B3GALT1: variants seen among roughly 807,000 people sequenced by gnomAD.
B3GALT1 encodes the protein beta-1,3-galactosyltransferase 1, also known as UDP-Gal:betaGlcNAc beta 1,3-galactosyltransferase, polypeptide 1.
In B3GALT1, 10 loss-of-function variants were observed where a neutral mutation model predicts 23.2. That is an observed-to-expected ratio of 0.43 (90% CI 0.27 to 0.73). The LOEUF (loss-of-function observed/expected upper bound fraction) is 0.73. Ranked by LOEUF, B3GALT1 falls within the 30% of genes least tolerant of loss-of-function variation. The pLI, the probability that B3GALT1 is intolerant of heterozygous loss-of-function variation, is 0.21. For synonymous variants in B3GALT1, 156 were observed against 141.5 expected (o/e 1.10, Z -0.73); for missense variants, 299 against 405.4 (o/e 0.74, Z 2.25).
At chr2:167,563,287 CTTCCCAGTA>C (rs1489038362) in intron 2 of B3GALT1, among the ~76,000 whole-genome samples, 14 of 145,208 alleles carry the variant, frequency 9.6e-5, no homozygotes, top group African/African-American at 2.2e-4. Context: ...GGGCTCCTCA[CTTCCCAGTA>C]GGGGCGGCCG....
At chr2:167,539,498 G>A (rs769911027) in intron 2 of B3GALT1, among the ~76,000 whole-genome samples, 3 of 152,136 alleles carry the variant, frequency 2.0e-5, no homozygotes, top group Non-Finnish European at 2.9e-5. Context: ...TTTCAACAGA[G>A]TGATATCTAT....
At chr2:167,573,816 G>A (rs567570456) in intron 2 of B3GALT1, among the ~76,000 whole-genome samples, 1 of 151,624 alleles carries the variant, frequency 6.6e-6, no homozygotes, top group African/African-American at 2.4e-5. Flanking sequence ...CTTATGGGGG[G>A]CAGTCAGAGG....
In B3GALT1 at chr2:167,840,193, C is replaced by G. The variant is rs1036689333; in HGVS notation, c.-230+21400C>G. Reference sequence around the variant, plus strand: ...AATTGACAAATGGGATCTAATTAAACTAAAGAGCTTCTGCACAGCAAAAGA... The same window carrying G: ...AATTGACAAATGGGATCTAATTAAAGTAAAGAGCTTCTGCACAGCAAAAGA... On this transcript the variant is annotated intron_variant, in intron 4 of 4. Transcript: ENST00000392690. Among the ~76,000 whole-genome samples the G allele has an allele frequency of 8.1e-4, 122 of 151,446 alleles. 3 individuals carry two copies. Among genetic ancestry groups the G allele is most frequent in the Non-Finnish European group, 1.3e-4 (9 of 67,472 alleles).
At chr2:167,425,856 T>C (rs1258136667) in intron 1 of B3GALT1, among the ~76,000 whole-genome samples, 1 of 152,218 alleles carries the variant, frequency 6.6e-6, no homozygotes, top group Non-Finnish European at 1.5e-5. Context: ...CCAGTGTCCA[T>C]TGAATTTAAA....
At chr2:167,589,466 T>G (rs1684637962) in intron 2 of B3GALT1, among the ~76,000 whole-genome samples, 2 of 152,298 alleles carry the variant, frequency 1.3e-5, no homozygotes, top group South Asian at 4.1e-4. Flanking sequence ...TGAACCTGGC[T>G]AAAATGTACA....
chr2:167,365,510 G>A (rs1697571539), intron 1 of B3GALT1, among the ~76,000 whole-genome samples: 1 of 151,438 alleles, frequency 6.6e-6, no homozygotes, highest in South Asian at 2.1e-4. Context: ...CCCCTAGTTT[G>A]CAAGATGCCA....
intron 2 of B3GALT1, among the ~76,000 whole-genome samples, chr2:167,638,152 G>T (rs1451380488): frequency 6.6e-6 from 1 of 151,978 alleles, no homozygotes; most frequent in African/African-American, 2.4e-5. Flanking sequence ...CATGAATAGA[G>T]CAACCCAATG....
At chr2:167,856,744 A>G (rs1280842479) in intron 4 of B3GALT1, among the ~76,000 whole-genome samples, 2 of 152,190 alleles carry the variant, frequency 1.3e-5, no homozygotes, top group African/African-American at 4.8e-5. Flanking sequence ...GAAATGGGAA[A>G]AAGCAGGAGA....
intron 2 of B3GALT1, among the ~76,000 whole-genome samples, chr2:167,564,291 C>T (rs1452985226): frequency 4.6e-5 from 7 of 151,708 alleles, no homozygotes; most frequent in South Asian, 2.1e-4. Flanking sequence ...CGCTCCCCCC[C>T]TCCCAGATGT....
At chr2:167,699,867 C>T (rs931151739) in intron 3 of B3GALT1, among the ~76,000 whole-genome samples, 3 of 152,090 alleles carry the variant, frequency 2.0e-5, no homozygotes, top group African/African-American at 7.2e-5. Flanking sequence ...CACCCGCCAC[C>T]ATACCTGGCT....
chr2:167,619,164 T>G (rs1381241303), intron 2 of B3GALT1, among the ~76,000 whole-genome samples: 2 of 151,978 alleles, frequency 1.3e-5, no homozygotes, highest in African/African-American at 4.8e-5. Flanking sequence ...TTTATCTGTA[T>G]GCACTCCTAG....
intron 3 of B3GALT1, among the ~76,000 whole-genome samples, chr2:167,761,219 T>C (rs1335410080): frequency 6.6e-6 from 1 of 152,202 alleles, no homozygotes; most frequent in African/African-American, 2.4e-5. Flanking sequence ...GTAGCAGGTC[T>C]TTTTTCTGCA....
At chr2:167,848,467 A>G (rs1439856216) in intron 4 of B3GALT1, among the ~76,000 whole-genome samples, 1 of 152,228 alleles carries the variant, frequency 6.6e-6, no homozygotes. Flanking sequence ...GTGATACACC[A>G]CATGAACAGA....
chr2:167,623,855 T>G (rs10208861), intron 2 of B3GALT1, among the ~76,000 whole-genome samples: 66 of 152,124 alleles, frequency 4.3e-4, no homozygotes, highest in African/African-American at 1.5e-3. Flanking sequence ...TCACTGGACA[T>G]AAGGGATGTA....
At chr2:167,317,652 T>C (rs1352994215) in intron 1 of B3GALT1, among the ~76,000 whole-genome samples, 2 of 152,086 alleles carry the variant, frequency 1.3e-5, no homozygotes. Flanking sequence ...AAATCAAAAG[T>C]CAGATAATTA....
intron 3 of B3GALT1, among the ~76,000 whole-genome samples, chr2:167,746,824 T>C (rs1687660305): frequency 6.6e-6 from 1 of 152,218 alleles, no homozygotes; most frequent in South Asian, 2.1e-4. Context: ...TTCCCACAGA[T>C]TGTGAATCAA....
At chr2:167,524,150 C>A (rs539921168) in intron 2 of B3GALT1, among the ~76,000 whole-genome samples, 1 of 152,030 alleles carries the variant, frequency 6.6e-6, no homozygotes, top group East Asian at 1.9e-4. Context: ...TTATTTTTGC[C>A]CATGAGAAGC....
At chr2:167,498,632 C>T (rs963443939) in intron 2 of B3GALT1, among the ~76,000 whole-genome samples, 19 of 151,974 alleles carry the variant, frequency 1.3e-4, no homozygotes, top group African/African-American at 4.3e-4. Context: ...AGAAAAGAGG[C>T]GGGCTTGTTA....
In B3GALT1 at chr2:167,573,499, T is replaced by C. The variant is rs572695522; in HGVS notation, c.-409-73410T>C. On this transcript the variant is annotated intron_variant, in intron 2 of 4. Coordinates refer to ENST00000392690, the MANE Select transcript of B3GALT1 (RefSeq NM_020981.4). ...TTCATTCCAGAATATTAAAGAATGA[T>C]GGCTTGTGGGAATTATGCTAAACTA... is the stretch of plus-strand genomic sequence containing the variant. 4.6e-5 allele frequency among the ~76,000 whole-genome samples: 7 copies of C among 151,794 alleles called. 1 individual carries two copies. In the South Asian group the frequency reaches 1.2e-3, roughly 27 times the overall value.
Sources: allele counts gnomAD v4.1 joint callset (sites outside exome capture counted in the v4.1 genomes callset), GRCh38; gene constraint gnomAD v4.1.1; transcripts MANE v1.5; gene names NCBI Gene and HGNC (gene_info 2026-07-23, HGNC 2026-07-21).